The following HPD variants were observed in gnomAD, a reference collection of about 807,000 sequenced individuals.
HPD encodes the protein 4-hydroxyphenylpyruvate dioxygenase.
Under a neutral mutation model 56.9 loss-of-function variants are expected in HPD, and 35 were observed. The ratio of observed to expected loss-of-function variants is 0.62; its 90% confidence interval spans 0.47 to 0.82. HPD has a LOEUF of 0.82. Among genes scored for constraint, HPD ranks in the 40% least tolerant of loss-of-function variants. The pLI is 0.00. For synonymous variants in HPD, 186 were observed against 200.2 expected (o/e 0.93, Z 0.60); for missense variants, 442 against 506.8 (o/e 0.87, Z 1.23).
chr12:121,857,182 C>A lies in HPD; in HGVS notation c.198+146G>T. 2.3e-5 allele frequency: 15 copies of A among 649,550 alleles called. No individual in the cohort carries two copies. The South Asian group carries it at 2.3e-4, about 10-fold the overall frequency. 40.2% of individuals were successfully genotyped at this position (649,550 alleles called of 1,614,324 possible). A position where few individuals can be genotyped will look rare whatever the true frequency, so the allele number is the denominator to read the frequency against. ...GCAACCTCTGCCTCCCGGGTTCAAG[C>A]GATGTGCCTGCCTCAGCCTCCTGAG... On this transcript the variant is annotated intron_variant, in intron 4 of 13. Transcript: ENST00000289004.
chr12:121,840,826 G>C (rs1392975958), intron 12 of HPD, among the ~76,000 whole-genome samples: 4 of 151,870 alleles, frequency 2.6e-5, no homozygotes, highest in Non-Finnish European at 5.9e-5. Context: ...GGGAGGCCGA[G>C]GCAGGTGGAT....
At chr12:121,856,936 C>T (rs375702777) in intron 4 of HPD, 8 of 517,172 alleles carry the variant, frequency 1.5e-5, no homozygotes, top group African/African-American at 1.5e-4. Flanking sequence ...TTTCTGAGCA[C>T]CTGTGGGGTC....
At chr12:121,887,232 G>A in the HPD span, among the ~76,000 whole-genome samples, 2 of 95,706 alleles carry the variant, frequency 2.1e-5, no homozygotes, top group African/African-American at 3.2e-5. Flanking sequence ...TTTTTTTTTT[G>A]TAGAGATGGA....
At chr12:121,865,871 C>A (rs1285484340), upstream of HPD, among the ~76,000 whole-genome samples, 1 of 151,932 alleles carries the variant, frequency 6.6e-6, no homozygotes, top group Non-Finnish European at 1.5e-5. Flanking sequence ...CGCCTGTAAT[C>A]CCATCTACTC....
chr12:121,865,558 T>C (rs549747109), upstream of HPD, among the ~76,000 whole-genome samples: 7 of 145,488 alleles, frequency 4.8e-5, no homozygotes, highest in East Asian at 2.1e-4. Context: ...CATGAGCCAC[T>C]GTGCCCAGCC....
At chr12:121,850,830 C>G (rs1877746298) in intron 7 of HPD, among the ~76,000 whole-genome samples, 1 of 151,306 alleles carries the variant, frequency 6.6e-6, no homozygotes, top group Non-Finnish European at 1.5e-5. Context: ...TCCCAAATAG[C>G]TGGGACTACA....
At chr12:121,854,446 C>T (rs1231898849) in intron 7 of HPD, among the ~76,000 whole-genome samples, 1 of 152,158 alleles carries the variant, frequency 6.6e-6, no homozygotes. Flanking sequence ...CCCCATCCTT[C>T]TCCCTTCTTC....
At chr12:121,857,457 T>C in intron 3 of HPD, 25 bp from the exon 4 acceptor site, 1 of 1,538,496 alleles carries the variant, frequency 6.5e-7, no homozygotes, top group Non-Finnish European at 9.0e-7. Flanking sequence ...TGCAGCAGGG[T>C]TCATGAGGGT....
chr12:121,866,279 G>A (rs142676599), upstream of HPD, among the ~76,000 whole-genome samples: 1 of 149,498 alleles, frequency 6.7e-6, no homozygotes, highest in Admixed American at 6.7e-5. Flanking sequence ...CCAGCCTGGG[G>A]GACACAGCGA....
chr12:121,851,329 T>C (rs1877763192), intron 7 of HPD, among the ~76,000 whole-genome samples: 1 of 151,580 alleles, frequency 6.6e-6, no homozygotes, highest in Non-Finnish European at 1.5e-5. Flanking sequence ...TTTAATTTTT[T>C]AACTTTTATT....
At chr12:121,850,237 C>T (rs528566050) in intron 7 of HPD, among the ~76,000 whole-genome samples, 71 of 151,978 alleles carry the variant, frequency 4.7e-4, no homozygotes, top group African/African-American at 4.6e-4. Flanking sequence ...CTGGCGAACA[C>T]GGTGAAATCC....
chr12:121,873,542 G>A, the HPD span, among the ~76,000 whole-genome samples: 2 of 152,194 alleles, frequency 1.3e-5, no homozygotes, highest in African/African-American at 4.8e-5. Context: ...TTTATGGCCG[G>A]GCGCGGTGGC....
chr12:121,843,451 A>G (rs113161414), intron 12 of HPD, among the ~76,000 whole-genome samples: 34 of 152,302 alleles, frequency 2.2e-4, no homozygotes, highest in African/African-American at 7.2e-4. Context: ...CTCCTCAGAG[A>G]GGCCCTCCCT....
At chr12:121,883,511 T>C in the HPD span, among the ~76,000 whole-genome samples, 4 of 151,904 alleles carry the variant, frequency 2.6e-5, no homozygotes, top group South Asian at 8.3e-4. Flanking sequence ...AGGTTTATTA[T>C]AATGACAGCA....
At chr12:121,869,128 T>A in the HPD span, among the ~76,000 whole-genome samples, 114 of 152,062 alleles carry the variant, frequency 7.5e-4, no homozygotes, top group Admixed American at 3.5e-3. Context: ...CCGAGGCGGA[T>A]CACTTGAGGT....
intron 12 of HPD, among the ~76,000 whole-genome samples, 184 bp from the exon 13 acceptor site, chr12:121,840,232 T>C (rs931680417): frequency 1.2e-4 from 19 of 152,200 alleles, no homozygotes; most frequent in African/African-American, 3.9e-4. Context: ...TAAGGCACCA[T>C]TCAAGACTGC....
chr12:121,881,735 C>T, the HPD span, among the ~76,000 whole-genome samples: 1 of 151,180 alleles, frequency 6.6e-6, no homozygotes, highest in African/African-American at 2.4e-5. Flanking sequence ...CAAACTCCGC[C>T]TCCCGGGTTC....
intron 11 of HPD, among the ~76,000 whole-genome samples, chr12:121,845,636 A>G (rs921571817): frequency 4.0e-5 from 6 of 149,086 alleles, no homozygotes; most frequent in Non-Finnish European, 8.9e-5. Context: ...AGGTCTTACT[A>G]TGTTGCCCAC....
chr12:121,856,596 G>A lies in HPD; in HGVS notation c.228C>T (p.Asn76=), dbSNP rs1301776735. 1 of 1,614,024 alleles carries A rather than the reference G, an allele frequency of 6.2e-7. No homozygotes were observed. Among genetic ancestry groups the A allele is most frequent in the Non-Finnish European group, 8.5e-7 (1 of 1,180,018 alleles). Residue 76 remains asparagine, a synonymous_variant, in exon 5 of 14, where the codon AAC becomes AAT. Transcript: ENST00000289004. The part of the protein sequence containing the change: ...KIVFVLSSAL[N]PWNKEMGDHL... ...CGGGCACCTCACCTTTGTTCCAGGG[G>A]TTGAGCGCTGAGGAGAGGACAAACA...
Sources: gnomAD v4.1 joint callset for allele counts (sites outside exome capture counted in the v4.1 genomes callset) on GRCh38, gnomAD v4.1.1 for gene constraint, MANE v1.5 for transcripts, NCBI Gene and HGNC (gene_info 2026-07-23, HGNC 2026-07-21) for gene names.